Variants in DARS1 observed in about 807,000 individuals in gnomAD.
The protein encoded by DARS1 is aspartyl-tRNA synthetase 1, also known as aspartate--tRNA ligase, cytoplasmic.
In DARS1, 51 loss-of-function variants were observed where a neutral mutation model predicts 68.8. The ratio of observed to expected loss-of-function variants is 0.74; its 90% confidence interval spans 0.59 to 0.94. The LOEUF is 0.94. DARS1 is among the 40% of genes least tolerant of loss of function. The pLI, the probability that DARS1 is intolerant of heterozygous loss-of-function variation, is 0.00. For synonymous variants in DARS1, 203 were observed against 190.4 expected (o/e 1.07, Z -0.55); for missense variants, 607 against 597.3 (o/e 1.02, Z -0.17).
chr2:135,916,105 TG>T (rs1680996309), intron 11 of DARS1, 120 bp downstream of exon 11: 1 of 488,386 alleles, frequency 2.0e-6, no homozygotes, highest in African/African-American at 1.9e-5. Context: ...AAAGACAACT[TG>T]GAGGACGGGT....
Position 135,922,773 on chromosome 2 carries a change from C to CA in DARS1, c.811+10dup. 5.2e-6 allele frequency: 8 copies of CA among 1,526,446 alleles called. No homozygotes were observed. The highest frequency in any genetic ancestry group is 7.0e-6 in the Non-Finnish European group (8 of 1,144,558). 94.6% of individuals were successfully genotyped at this position (1,526,446 alleles called of 1,614,324 possible). On this transcript the variant is annotated intron_variant, in intron 9 of 15. Transcript: ENST00000264161. ...ATTAACTTGGATAAAACATAACTGC[C>CA]AAAATCTTACCTGGTCCAATAGAGA...
At chr2:135,964,624 T>G (rs576414841) in intron 3 of DARS1, among the ~76,000 whole-genome samples, 4 of 152,132 alleles carry the variant, frequency 2.6e-5, no homozygotes, top group African/African-American at 9.6e-5. Flanking sequence ...GCGGATCACT[T>G]GAGGTCAGGA....
At chr2:135,985,340 C>T in intron 1 of DARS1, 63 bp downstream of exon 1, 1 of 1,578,182 alleles carries the variant, frequency 6.3e-7, no homozygotes. Flanking sequence ...CCCCTCCTCC[C>T]TCCCTCGGCG....
At position 135,907,238 on chromosome 2, in the gene DARS1, C is replaced by CTTTATTTTTTTTT. The variant is rs869183598; in HGVS notation, c.*77_*78insAAAAAAAAATAAA. On this transcript the variant is annotated 3_prime_UTR_variant, in exon 16 of 16. Transcript: ENST00000264161. ...AGGTTACTGAAAAGAATAAGTGTGG[C>CTTTATTTTTTTTT]TTTCTTTTTTTTTTTTTTTTTTTGA... The CTTTATTTTTTTTT allele has an allele frequency of 2.8e-6, 2 of 725,356 alleles. No homozygotes were observed. 44.9% of individuals were successfully genotyped at this position (725,356 alleles called of 1,614,324 possible).
chr2:135,937,413 TA>T (rs541997886), intron 5 of DARS1, among the ~76,000 whole-genome samples: 4 of 151,006 alleles, frequency 2.6e-5, no homozygotes, highest in Non-Finnish European at 4.4e-5. Flanking sequence ...AAGTCTTCTT[TA>T]AAAAAAAAGG....
At chr2:135,933,034 G>A (rs1279437047) in intron 6 of DARS1, among the ~76,000 whole-genome samples, 192 bp from the exon 7 acceptor site, 3 of 152,100 alleles carry the variant, frequency 2.0e-5, no homozygotes, top group Non-Finnish European at 4.4e-5. Flanking sequence ...AAGAGAGATG[G>A]AAAGAAGACA....
At position 135,905,921 on chromosome 2, in the gene DARS1, C is replaced by T. The variant is rs1232134082; in HGVS notation, c.*1395G>A. ...TTTATTTTGAAACAAGCTATAATTACATGAAATTAAGAACAGCTCTAGGGC... is the reference window on the plus strand; with the variant it reads ...TTTATTTTGAAACAAGCTATAATTATATGAAATTAAGAACAGCTCTAGGGC... On this transcript the variant is annotated 3_prime_UTR_variant, in exon 16 of 16. Coordinates refer to ENST00000264161, the MANE Select transcript of DARS1 (RefSeq NM_001349.4). Among the ~76,000 whole-genome samples, 1 of 152,102 alleles carries T rather than the reference C, an allele frequency of 6.6e-6. No individual in the cohort carries two copies. Among genetic ancestry groups the T allele is most frequent in the Non-Finnish European group, 1.5e-5 (1 of 68,016 alleles).
At chr2:135,938,154 T>C (rs1465857721) in intron 5 of DARS1, among the ~76,000 whole-genome samples, 3 of 152,224 alleles carry the variant, frequency 2.0e-5, no homozygotes, top group Non-Finnish European at 4.4e-5. Flanking sequence ...TCTTTTCACA[T>C]AGTCCCATGT....
chr2:135,924,906 T>TTTGGTATTA (rs1351215248), intron 7 of DARS1, among the ~76,000 whole-genome samples: 1 of 152,140 alleles, frequency 6.6e-6, no homozygotes, highest in Admixed American at 6.6e-5. Context: ...TGACAATAAA[T>TTTGGTATTA]GAATAAAAAC....
chr2:135,966,783 C>T (rs1388690933), intron 3 of DARS1, among the ~76,000 whole-genome samples: 1 of 152,126 alleles, frequency 6.6e-6, no homozygotes, highest in Non-Finnish European at 1.5e-5. Context: ...ATCCACCTGC[C>T]TCAGCCTCCC....
chr2:135,907,602 A>G (rs960420992), intron 15 of DARS1, among the ~76,000 whole-genome samples, 195 bp from the exon 16 acceptor site: 2 of 152,222 alleles, frequency 1.3e-5, no homozygotes, highest in Non-Finnish European at 2.9e-5. Flanking sequence ...TATAAATGAA[A>G]AGGACTAAGT....
At chr2:135,946,361 C>G (rs1681720300) in intron 4 of DARS1, among the ~76,000 whole-genome samples, 1 of 152,148 alleles carries the variant, frequency 6.6e-6, no homozygotes, top group Non-Finnish European at 1.5e-5. Flanking sequence ...AATCTTCCTT[C>G]AGAAACCTCA....
intron 7 of DARS1, among the ~76,000 whole-genome samples, chr2:135,926,675 C>A (rs1027760440): frequency 6.6e-6 from 1 of 152,190 alleles, no homozygotes; most frequent in African/African-American, 2.4e-5. Context: ...CAAAATACAT[C>A]TTCAACTATT....
intron 7 of DARS1, among the ~76,000 whole-genome samples, chr2:135,932,461 T>C (rs940634152): frequency 1.8e-4 from 27 of 152,228 alleles, no homozygotes; most frequent in Admixed American, 1.1e-3. Flanking sequence ...TTTGTAGTGA[T>C]ATTAAAGGTT....
chr2:135,950,815 A>C (rs1681824103), intron 4 of DARS1, among the ~76,000 whole-genome samples: 1 of 152,192 alleles, frequency 6.6e-6, no homozygotes, highest in South Asian at 2.1e-4. Context: ...ATGAACACAC[A>C]GGATACTCTA....
chr2:135,972,119 C>A (rs1394010590), intron 3 of DARS1, among the ~76,000 whole-genome samples: 1 of 152,024 alleles, frequency 6.6e-6, no homozygotes, highest in Non-Finnish European at 1.5e-5. Flanking sequence ...CCTAGAATAG[C>A]CAAAGCTATG....
Position 135,924,830 on chromosome 2 carries a change from A to G in DARS1, c.565-332T>C, listed in dbSNP as rs1233620180. Among the ~76,000 whole-genome samples, 7 of 152,192 alleles carry G rather than the reference A, an allele frequency of 4.6e-5. No individual in the cohort carries two copies. In the East Asian group the frequency reaches 1.3e-3, roughly 29 times the overall value. Reference sequence around the variant, plus strand: ...GGTCTGTTTTTTTTAAAGGCAACCAACCCATAAAGTGAGACATAGCAATGT... The same window carrying G: ...GGTCTGTTTTTTTTAAAGGCAACCAGCCCATAAAGTGAGACATAGCAATGT... On this transcript the variant is annotated intron_variant, in intron 7 of 15. Coordinates refer to ENST00000264161, the MANE Select transcript of DARS1 (RefSeq NM_001349.4).
intron 13 of DARS1, 134 bp downstream of exon 13, chr2:135,912,352 A>ATAT: frequency 2.2e-6 from 1 of 459,442 alleles, no homozygotes; most frequent in Non-Finnish European, 4.0e-6. Context: ...GGTGACAGAC[A>ATAT]TCAATGGTAA....
At chr2:135,963,397 G>A (rs574320309) in intron 3 of DARS1, among the ~76,000 whole-genome samples, 4 of 150,794 alleles carry the variant, frequency 2.7e-5, no homozygotes, top group African/African-American at 9.7e-5. Flanking sequence ...TTGAGATGGA[G>A]TTTTGCTCTT....
Sources: gnomAD v4.1 joint callset for allele counts (sites outside exome capture counted in the v4.1 genomes callset) on GRCh38, gnomAD v4.1.1 for gene constraint, MANE v1.5 for transcripts, NCBI Gene and HGNC (gene_info 2026-07-23, HGNC 2026-07-21) for gene names.